The following GMDS variants were observed in gnomAD, a reference collection of about 807,000 sequenced individuals.
GMDS encodes the protein GDP-mannose 4,6 dehydratase.
A neutral mutation model predicts 49.9 loss-of-function variants in GMDS; 20 were observed. That is an observed-to-expected ratio of 0.40 (90% CI 0.28 to 0.58). The LOEUF (loss-of-function observed/expected upper bound fraction) is 0.58. GMDS is among the 20% of genes least tolerant of loss of function. GMDS has a pLI of 0.42. For missense variants in GMDS, 362 were observed against 481.4 expected (o/e 0.75, Z 2.32); for synonymous variants, 177 against 178.6 (o/e 0.99, Z 0.07).
At chr6:2,079,118 G>A (rs74862512) in intron 4 of GMDS, among the ~76,000 whole-genome samples, 1,874 of 135,290 alleles carry the variant, frequency 0.014, 44 homozygotes, top group African/African-American at 0.047. Context: ...GTTTCTGTTC[G>A]TGTGGAGTAA....
intron 1 of GMDS, among the ~76,000 whole-genome samples, chr6:2,210,500 C>T (rs234912): frequency 0.5 from 75,364 of 151,956 alleles, 20,526 homozygotes; most frequent in East Asian, 0.78. Context: ...CGAGAATGGA[C>T]GGGCTAAGAC....
intron 7 of GMDS, among the ~76,000 whole-genome samples, chr6:1,820,544 T>C (rs1400690300): frequency 1.3e-5 from 2 of 152,232 alleles, no homozygotes; most frequent in Admixed American, 6.5e-5. Context: ...ACTGTTTCAG[T>C]AGTCCAAAAT....
At chr6:2,188,235 C>G (rs964864203) in intron 1 of GMDS, among the ~76,000 whole-genome samples, 1 of 152,238 alleles carries the variant, frequency 6.6e-6, no homozygotes, top group African/African-American at 2.4e-5. Flanking sequence ...TCAGAAATGT[C>G]TCCTCAGACA....
intron 4 of GMDS, among the ~76,000 whole-genome samples, chr6:2,015,103 A>T (rs1281619302): frequency 6.6e-6 from 1 of 152,214 alleles, no homozygotes; most frequent in Non-Finnish European, 1.5e-5. Flanking sequence ...CCATTATTAG[A>T]GATGGAGACT....
intron 4 of GMDS, among the ~76,000 whole-genome samples, chr6:1,986,376 C>T (rs1027002938): frequency 1.3e-5 from 2 of 152,066 alleles, no homozygotes; most frequent in African/African-American, 2.4e-5. Flanking sequence ...GGTACAACGG[C>T]AGGGAAAAAA....
intron 9 of GMDS, among the ~76,000 whole-genome samples, chr6:1,661,820 G>A (rs747159159): frequency 5.3e-5 from 8 of 152,250 alleles, no homozygotes; most frequent in Non-Finnish European, 1.2e-4. Context: ...ATTCCCTGCT[G>A]CTGAGGCGGA....
At chr6:1,683,408 C>T (rs188111353) in intron 9 of GMDS, among the ~76,000 whole-genome samples, 4 of 152,320 alleles carry the variant, frequency 2.6e-5, no homozygotes, top group East Asian at 3.9e-4. Flanking sequence ...CAGGCGTGAG[C>T]CACCGCGCGC....
chr6:1,749,186 T>C (rs1484160896), intron 7 of GMDS, among the ~76,000 whole-genome samples: 6 of 152,158 alleles, frequency 3.9e-5, no homozygotes, highest in Non-Finnish European at 8.8e-5. Flanking sequence ...AGCCCATGAA[T>C]TGTAGGGCTG....
At chr6:1,774,612 T>G (rs1768719666) in intron 7 of GMDS, among the ~76,000 whole-genome samples, 1 of 152,232 alleles carries the variant, frequency 6.6e-6, no homozygotes, top group Non-Finnish European at 1.5e-5. Context: ...ACACTCGTCC[T>G]TCTGTCTGTC....
At chr6:1,677,261 A>C (rs1383877197) in intron 9 of GMDS, among the ~76,000 whole-genome samples, 1 of 152,256 alleles carries the variant, frequency 6.6e-6, no homozygotes, top group Admixed American at 6.5e-5. Flanking sequence ...GATGGCGATC[A>C]TTAAAAAGTC....
intron 9 of GMDS, among the ~76,000 whole-genome samples, chr6:1,703,296 G>A (rs1259027393): frequency 6.6e-6 from 1 of 152,126 alleles, no homozygotes; most frequent in East Asian, 1.9e-4. Context: ...TCCTCAGGGA[G>A]AGCAGATGTT....
intron 4 of GMDS, among the ~76,000 whole-genome samples, chr6:2,115,164 C>T (rs1487559649): frequency 6.6e-6 from 1 of 152,164 alleles, no homozygotes; most frequent in Non-Finnish European, 1.5e-5. Flanking sequence ...TTGAATTAAG[C>T]AGACCACTAG....
intron 9 of GMDS, among the ~76,000 whole-genome samples, chr6:1,690,771 C>T (rs148054831): frequency 0.019 from 2,887 of 152,312 alleles, 38 homozygotes; most frequent in African/African-American, 0.027. Context: ...AGCTCAACAT[C>T]GCTGATCATT....
At chr6:1,945,487 C>T (rs1367435346) in intron 6 of GMDS, among the ~76,000 whole-genome samples, 1 of 152,104 alleles carries the variant, frequency 6.6e-6, no homozygotes, top group Non-Finnish European at 1.5e-5. Flanking sequence ...CCATAATACG[C>T]AAGGAGATAA....
intron 7 of GMDS, among the ~76,000 whole-genome samples, chr6:1,826,023 T>A (rs911432338): frequency 2.6e-5 from 4 of 151,682 alleles, no homozygotes; most frequent in African/African-American, 9.7e-5. Flanking sequence ...CTCAAAAAAA[T>A]AAAAAGATAG....
intron 4 of GMDS, among the ~76,000 whole-genome samples, chr6:2,044,882 C>CTG (rs147113585): frequency 2.8e-3 from 421 of 150,456 alleles, no homozygotes; most frequent in Middle Eastern, 0.01. Flanking sequence ...TTTTTCTTTT[C>CTG]TGTGTGTGTG....
At chr6:1,979,644 T>C (rs1765111149) in intron 4 of GMDS, among the ~76,000 whole-genome samples, 1 of 152,228 alleles carries the variant, frequency 6.6e-6, no homozygotes, top group Non-Finnish European at 1.5e-5. Flanking sequence ...CTAGGAGAAC[T>C]TCCTCAGCCT....
At chr6:2,104,297 TAC>T (rs925338537) in intron 4 of GMDS, among the ~76,000 whole-genome samples, 24 of 152,380 alleles carry the variant, frequency 1.6e-4, no homozygotes, top group African/African-American at 5.8e-4. Flanking sequence ...TTCAGTGTAT[TAC>T]AGCTTCTCAG....
chr6:2,212,088 C>A (rs1780087382), intron 1 of GMDS, among the ~76,000 whole-genome samples: 2 of 152,076 alleles, frequency 1.3e-5, no homozygotes. Context: ...TAATTTAGAA[C>A]CTGTGTTACA....
Sources: gnomAD v4.1 joint callset for allele counts (sites outside exome capture counted in the v4.1 genomes callset) on GRCh38, gnomAD v4.1.1 for gene constraint, MANE v1.5 for transcripts, NCBI Gene and HGNC (gene_info 2026-07-23, HGNC 2026-07-21) for gene names.